Variants in HS6ST1 observed in about 807,000 individuals in gnomAD.
HS6ST1 encodes heparan sulfate 6-O-sulfotransferase 1.
A neutral mutation model predicts 25.2 loss-of-function variants in HS6ST1; 3 were observed. The observed-to-expected ratio is 0.12, with a 90% CI of 0.05 to 0.31. The LOEUF (loss-of-function observed/expected upper bound fraction) is 0.31, where lower values mean the gene tolerates loss of function less well. HS6ST1 is among the 10% of genes least tolerant of loss of function. HS6ST1 has a pLI of 1.00. For missense variants in HS6ST1, 310 were observed against 609.6 expected (o/e 0.51, Z 5.18); for synonymous variants, 204 against 275.1 (o/e 0.74, Z 2.56).
intron 1 of HS6ST1, among the ~76,000 whole-genome samples, chr2:128,272,272 C>G (rs1693620191): frequency 6.6e-6 from 1 of 152,240 alleles, no homozygotes; most frequent in Non-Finnish European, 1.5e-5. Flanking sequence ...TATATCACCC[C>G]TGGTCTCTGC....
chr2:128,317,932 C>A, intron 1 of HS6ST1, 105 bp downstream of exon 1: 1 of 1,297,856 alleles, frequency 7.7e-7, no homozygotes, highest in Non-Finnish European at 9.8e-7. Flanking sequence ...CCCAAGAGGG[C>A]AGAAGGGGGT....
At chr2:128,287,970 A>C (rs1693890414) in intron 1 of HS6ST1, among the ~76,000 whole-genome samples, 2 of 152,190 alleles carry the variant, frequency 1.3e-5, no homozygotes, top group African/African-American at 2.4e-5. Flanking sequence ...GGCAGGCGAG[A>C]TGTCACTTAT....
intron 1 of HS6ST1, among the ~76,000 whole-genome samples, chr2:128,269,452 G>A (rs1025690977): frequency 2.6e-5 from 4 of 152,160 alleles, no homozygotes; most frequent in African/African-American, 9.7e-5. Flanking sequence ...GCATTGCACA[G>A]TATGTAACGG....
chr2:128,268,499 G>C lies in HS6ST1; in HGVS notation c.899C>G (p.Thr300Arg). ...GAACGTCCGCTCGAACAGGTACTGC[G>C]TCTTGCGCTGGAACTCGGTCAGGCC... ...FFGLTEFQRK[T>R]QYLFERTFNL... Residue 300 changes from threonine (T) to arginine (R), a missense_variant, in exon 2 of 2, where the codon ACG becomes AGG. Coordinates refer to ENST00000259241, the MANE Select transcript of HS6ST1 (RefSeq NM_004807.3). The C allele has an allele frequency of 6.2e-7, 1 of 1,610,990 alleles. No individual in the cohort carries two copies. The highest frequency in any genetic ancestry group is 8.5e-7 in the Non-Finnish European group (1 of 1,178,656).
At chr2:128,308,187 C>T (rs945630522) in intron 1 of HS6ST1, among the ~76,000 whole-genome samples, 6 of 152,170 alleles carry the variant, frequency 3.9e-5, no homozygotes, top group Non-Finnish European at 7.3e-5. Flanking sequence ...TGGTGCTGAG[C>T]GAGGCTGCAG....
chr2:128,295,461 C>T (rs1288334802), intron 1 of HS6ST1, among the ~76,000 whole-genome samples: 2 of 152,216 alleles, frequency 1.3e-5, no homozygotes. Context: ...CTGGGACTAA[C>T]ACAAATCTTT....
intron 1 of HS6ST1, among the ~76,000 whole-genome samples, chr2:128,312,630 T>C (rs757292825): frequency 2.2e-4 from 33 of 152,140 alleles, no homozygotes; most frequent in Non-Finnish European, 3.5e-4. Context: ...TGGCGACATG[T>C]GGGTGACTGG....
At chr2:128,291,135 T>G (rs1018043090) in intron 1 of HS6ST1, among the ~76,000 whole-genome samples, 1 of 152,228 alleles carries the variant, frequency 6.6e-6, no homozygotes, top group African/African-American at 2.4e-5. Context: ...GTACTGGGGA[T>G]CTCAGCTGAC....
chr2:128,300,251 C>T (rs1283016948), intron 1 of HS6ST1, among the ~76,000 whole-genome samples: 3 of 152,198 alleles, frequency 2.0e-5, no homozygotes, highest in Non-Finnish European at 2.9e-5. Flanking sequence ...GCCCACACAG[C>T]GGAGCCTGCC....
chr2:128,302,331 G>A (rs749394785), intron 1 of HS6ST1, among the ~76,000 whole-genome samples: 11 of 152,164 alleles, frequency 7.2e-5, no homozygotes, highest in Admixed American at 1.3e-4. Flanking sequence ...CAAGGCTGGC[G>A]TGCATGTGTG....
Position 128,293,248 on chromosome 2 carries a change from C to G in HS6ST1, c.528-24378G>C, listed in dbSNP as rs182763219. Among the ~76,000 whole-genome samples the G allele has an allele frequency of 2.4e-3, 361 of 152,384 alleles. 1 individual carries two copies. Among genetic ancestry groups the G allele is most frequent in the African/African-American group, 8.1e-3 (337 of 41,596 alleles). ...CGCTCTGAGCCAGGGGCATGTCACA[C>G]AATATGGCGCTTTTCTCCTCTTCTG... On this transcript the variant is annotated intron_variant, in intron 1 of 1. Coordinates refer to ENST00000259241, the MANE Select transcript of HS6ST1 (RefSeq NM_004807.3).
At chr2:128,276,508 G>A (rs1693697557) in intron 1 of HS6ST1, among the ~76,000 whole-genome samples, 1 of 152,164 alleles carries the variant, frequency 6.6e-6, no homozygotes, top group Non-Finnish European at 1.5e-5. Flanking sequence ...TGTGGGGCTG[G>A]GATGGCGCTG....
At chr2:128,284,504 CTT>C (rs71396519) in intron 1 of HS6ST1, among the ~76,000 whole-genome samples, 7 of 94,866 alleles carry the variant, frequency 7.4e-5, no homozygotes, top group Non-Finnish European at 1.5e-4. Flanking sequence ...CATCGTCCCT[CTT>C]TTTTTTTTTT....
intron 1 of HS6ST1, among the ~76,000 whole-genome samples, chr2:128,290,620 G>A (rs1025401564): frequency 2.0e-5 from 3 of 152,054 alleles, no homozygotes; most frequent in African/African-American, 7.2e-5. Flanking sequence ...AAATGTGTAA[G>A]AAGCATCTGC....
chr2:128,311,832 G>T (rs1044791751), intron 1 of HS6ST1, among the ~76,000 whole-genome samples: 2 of 152,330 alleles, frequency 1.3e-5, no homozygotes, highest in Admixed American at 1.3e-4. Context: ...GCCGGTGGTG[G>T]CATCGGTGGT....
chr2:128,292,239 C>T (rs73956986), intron 1 of HS6ST1, among the ~76,000 whole-genome samples: 3,322 of 152,278 alleles, frequency 0.022, 132 homozygotes, highest in African/African-American at 0.074. Context: ...AGGGTCCATG[C>T]CAGGCAGTCT....
At chr2:128,273,164 A>C (rs1027788891) in intron 1 of HS6ST1, among the ~76,000 whole-genome samples, 2 of 152,318 alleles carry the variant, frequency 1.3e-5, no homozygotes, top group Admixed American at 6.5e-5. Flanking sequence ...GCGTCTTGTA[A>C]TAAAATGGCG....
chr2:128,269,482 C>T (rs1443557212), intron 1 of HS6ST1, among the ~76,000 whole-genome samples: 2 of 152,150 alleles, frequency 1.3e-5, no homozygotes, highest in East Asian at 1.9e-4. Context: ...AAGGGAGAAA[C>T]GACCCAAGGA....
intron 1 of HS6ST1, among the ~76,000 whole-genome samples, chr2:128,272,787 G>A (rs910660941): frequency 2.0e-5 from 3 of 152,190 alleles, no homozygotes; most frequent in Non-Finnish European, 2.9e-5. Context: ...AAGCTGGGAG[G>A]GTGAGCTGCT....
Sources: allele counts gnomAD v4.1 joint callset (sites outside exome capture counted in the v4.1 genomes callset), GRCh38; gene constraint gnomAD v4.1.1; transcripts MANE v1.5; gene names NCBI Gene and HGNC (gene_info 2026-07-23, HGNC 2026-07-21).